Variants in FASN observed in about 807,000 individuals in gnomAD.
FASN encodes 3-hydroxyacyl-[acyl-carrier-protein] dehydratase.
Under a neutral mutation model 250.0 loss-of-function variants are expected in FASN, and 50 were observed. The observed-to-expected ratio is 0.20, with a 90% CI of 0.16 to 0.25. The LOEUF (loss-of-function observed/expected upper bound fraction) is 0.25. Among genes scored for constraint, FASN ranks in the 10% least tolerant of loss-of-function variants. The probability of loss-of-function intolerance (pLI) is 1.00; values close to 1 mark genes in which losing one functional copy is unlikely to be tolerated. For missense variants in FASN, 3,031 were observed against 3,498.5 expected, an observed-to-expected ratio of 0.87 and a Z score of 3.37; for synonymous variants, 1,909 against 1,584.0, an observed-to-expected ratio of 1.21 and a Z score of -4.87.
intron 31 of FASN, 24 bp downstream of exon 31, chr17:82,083,493 C>T (rs2034029416): frequency 6.2e-7 from 1 of 1,612,744 alleles, no homozygotes; most frequent in Non-Finnish European, 8.5e-7. Flanking sequence ...ATGCCCACCC[C>T]CGCCCAGGCG....
chr17:82,086,684 C>T, intron 21 of FASN, 126 bp from the exon 22 acceptor site: 2 of 785,958 alleles, frequency 2.5e-6, no homozygotes, highest in Non-Finnish European at 4.3e-6. Context: ...TGAGAAATAG[C>T]TGAGGGTTGA....
intron 7 of FASN, 33 bp from the exon 8 acceptor site, chr17:82,092,622 C>T: frequency 7.2e-7 from 1 of 1,381,012 alleles, no homozygotes; most frequent in Non-Finnish European, 9.6e-7. Context: ...GGGGCTCTGG[C>T]CAGGTCACCT....
In FASN at chr17:82,090,540, A is replaced by C. The variant is rs759227466; in HGVS notation, c.1705T>G (p.Cys569Gly). 6.2e-7 allele frequency: 1 copy of C among 1,611,856 alleles called. No homozygotes were observed. The highest frequency in any genetic ancestry group is 1.7e-5 in the Admixed American group (1 of 59,928). Residue 569 changes from cysteine (C) to glycine (G), a missense_variant, in exon 11 of 43, where the codon TGC becomes GGC. Physicochemically the swap from Cys to Gly is radical, Grantham distance 159. Transcript: ENST00000306749. ...IQIGLIDLLS[C>G]MGLRPDGIVG... ...ATGCCATCTGGCCTCAGCCCCATGC[A>C]GCTCAGCAGGTCTATGAGGCCTATC... is the stretch of plus-strand genomic sequence containing the variant.
Position 82,086,326 on chromosome 17 carries a change from G to T in FASN, c.3660C>A (p.Asp1220Glu). The T allele has an allele frequency of 6.2e-7, 1 of 1,604,568 alleles. No individual in the cohort carries two copies. Among genetic ancestry groups the T allele is most frequent in the Non-Finnish European group, 8.5e-7 (1 of 1,178,782 alleles). Residue 1220 changes from aspartate to glutamate, a missense_variant, in exon 22 of 43, where the codon GAC becomes GAA. By Grantham distance (45) the Asp-to-Glu change is conservative. Coordinates refer to ENST00000306749, the MANE Select transcript of FASN (RefSeq NM_004104.5). ...CCAGGCAGGCCTTGAGTGCCGGGGA[G>T]TCCAGGAGGCCGCTGAGCAGAGGGT... ...PEDPLLSGLL[D>E]SPALKACLDT...
Position 82,095,483 on chromosome 17 carries a change from G to A in FASN, c.128-11C>T, listed in dbSNP as rs1184703483. 3.1e-6 allele frequency: 5 copies of A among 1,611,226 alleles called. No individual in the cohort carries two copies. The highest frequency in any genetic ancestry group is 3.3e-5 in the Admixed American group (2 of 59,996). On this transcript the variant is annotated splice_polypyrimidine_tract_variant and intron_variant, in intron 2 of 42. Transcript: ENST00000306749. ...GCAGGCCGTAGAGCCCTGTGGGACA[G>A]GCGGGTGTTTAAATCTCTGACGGAA...
chr17:82,091,349 G>A lies in FASN; in HGVS notation c.1365C>T (p.Asn455=), dbSNP rs369073801. The A allele has an allele frequency of 5.6e-5, 90 of 1,610,678 alleles. No individual in the cohort carries two copies. The highest frequency in any genetic ancestry group is 6.9e-5 in the Non-Finnish European group (81 of 1,179,130). The stretch of plus-strand genomic sequence containing the variant: ...CGGTGGCGGGGACAGCCGCGATGTC[G>A]TTCAGCATGCTCAGGAAAGCCAGGT... The part of the protein sequence containing the change: ...SQDLAFLSML[N]DIAAVPATAM... The change falls in exon 9 of 43, where the codon AAC becomes AAT. Residue 455 remains asparagine, a synonymous_variant. Coordinates refer to ENST00000306749, the MANE Select transcript of FASN (RefSeq NM_004104.5).
intron 37 of FASN, 98 bp downstream of exon 37, chr17:82,081,503 T>C (rs1017335518): frequency 1.4e-5 from 23 of 1,592,998 alleles, no homozygotes; most frequent in Admixed American, 3.3e-5. Context: ...GCTCTGCAGA[T>C]GGGGAAACTG....
Position 82,093,315 on chromosome 17 carries a change from C to A in FASN, c.559G>T (p.Gly187Cys), listed in dbSNP as rs983679656. The A allele has an allele frequency of 1.9e-6, 3 of 1,599,686 alleles. No homozygotes were observed. The highest frequency in any genetic ancestry group is 1.7e-5 in the Admixed American group (1 of 57,806). ...TTGGGCTTCAGCAGGACATTGATGC[C>A]CCCCACGATGGCGGCAGGGCACTGC... ...SGQCPAAIVG[G>C]INVLLKPNTS... Residue 187 changes from glycine to cysteine, a missense_variant, in exon 5 of 43, where the codon GGC becomes TGC. Transcript: ENST00000306749.
In FASN at chr17:82,080,932, C is replaced by G. The variant is rs1555665762; in HGVS notation, c.6596-10G>C. 42 of 1,598,272 alleles carry G rather than the reference C, an allele frequency of 2.6e-5. No individual in the cohort carries two copies. The South Asian group carries it at 3.3e-4, about 12-fold the overall frequency. On this transcript the variant is annotated splice_polypyrimidine_tract_variant and intron_variant, in intron 38 of 42. Transcript: ENST00000306749. ...GTGGGGCATGCCAGCTCTGTGAAGA[C>G]AGGGGCAGATGCCAGGCTGGTCTGG...
At position 82,085,507 on chromosome 17, in the gene FASN, T is replaced by G. The variant is rs1484419637; in HGVS notation, c.4097A>C (p.Gln1366Pro). 2 of 1,594,754 alleles carry G rather than the reference T, an allele frequency of 1.3e-6. No individual in the cohort carries two copies. The highest frequency in any genetic ancestry group is 2.3e-5 in the East Asian group (1 of 43,942). ...CTGGCTCAGGATGCCCTGGCCATAC[T>G]GCGGCTCAGTGGAGGTGAGGAAGGC... is the stretch of plus-strand genomic sequence containing the variant. ...IVAFLTSTEPQYGQGILSQDA... is the reference protein window; with the variant it reads ...IVAFLTSTEPPYGQGILSQDA... The change falls in exon 23 of 43, where the codon CAG becomes CCG. Residue 1366 changes from glutamine to proline, a missense_variant. By Grantham distance (76) the Gln-to-Pro change is moderately conservative. Transcript: ENST00000306749.
Position 82,086,496 on chromosome 17 carries a change from G to C in FASN, c.3490C>G (p.Leu1164Val). The change falls in exon 22 of 43, where the codon CTG (leucine) becomes GTG (valine). Residue 1164 changes from leucine (L) to valine (V), a missense_variant. Leu to Val is a conservative substitution (Grantham distance 32). Coordinates refer to ENST00000306749, the MANE Select transcript of FASN (RefSeq NM_004104.5). ...TCCCGGGGGATCTGGGCCCCATCCA[G>C]TCCGGGCACCACCATCTTCAGCCCC... ...QQGLKMVVPG[L>V]DGAQIPRDPS... 1 of 1,612,510 alleles carries C rather than the reference G, an allele frequency of 6.2e-7. No homozygotes were observed. Among genetic ancestry groups the C allele is most frequent in the Non-Finnish European group, 8.5e-7 (1 of 1,179,970 alleles).
chr17:82,087,206 C>T lies in FASN; in HGVS notation c.3271G>A (p.Gly1091Ser). 6.2e-7 allele frequency: 1 copy of T among 1,605,744 alleles called. No homozygotes were observed. The highest frequency in any genetic ancestry group is 1.1e-5 in the South Asian group (1 of 90,244). Residue 1091 changes from glycine (G) to serine (S), a missense_variant, in exon 21 of 43, where the codon GGC becomes AGC. By Grantham distance (56) the Gly-to-Ser change is moderately conservative. Transcript: ENST00000306749. ...GTGTGGAGCCCGGAGATGTGGACGC[C>T]TCCGGCCACTGTGACCCTCAGCCAC... Reference protein sequence around the residue: ...SRWLRVTVAGGVHISGLHTES... With the variant: ...SRWLRVTVAGSVHISGLHTES...
chr17:82,083,809 G>A lies in FASN; in HGVS notation c.5181C>T (p.Ser1727=), dbSNP rs967158896. The A allele has an allele frequency of 5.0e-6, 8 of 1,609,580 alleles. No individual in the cohort carries two copies. Among genetic ancestry groups the A allele is most frequent in the Non-Finnish European group, 6.8e-6 (8 of 1,178,814 alleles). The change falls in exon 30 of 43, where the codon TCC becomes TCT. Residue 1727 remains serine (S), a synonymous_variant. Transcript: ENST00000306749. The part of the protein sequence containing the change: ...STSFANSRDT[S]FEQHVLWHTG... ...TGTGCCACAGCACATGCTGCTCGAAGGATGTGTCCCGGGAGTTGGCGAAGC... is the reference window on the plus strand; with the variant it reads ...TGTGCCACAGCACATGCTGCTCGAAAGATGTGTCCCGGGAGTTGGCGAAGC...
In FASN at chr17:82,089,384, C is replaced by T; in HGVS notation, c.1966G>A (p.Ala656Thr). The T allele has an allele frequency of 6.2e-7, 1 of 1,612,802 alleles. No homozygotes were observed. Among genetic ancestry groups the T allele is most frequent in the Non-Finnish European group, 8.5e-7 (1 of 1,179,996 alleles). ...TGCTCCACGAACTCAAACACCGGGG[C>T]CTGGACATCGTGGGAGCCTGGATAA... The part of the protein sequence containing the change: ...KDTVTISGPQ[A>T]PVFEFVEQLR... The change falls in exon 13 of 43, where the codon GCC becomes ACC. Residue 656 changes from alanine (A) to threonine (T), a missense_variant and splice_region_variant. Transcript: ENST00000306749.
At chr17:82,097,858 C>G (rs1307725499) in intron 1 of FASN, among the ~76,000 whole-genome samples, 1 of 152,098 alleles carries the variant, frequency 6.6e-6, no homozygotes, top group Non-Finnish European at 1.5e-5. Flanking sequence ...CCGCGGCCTC[C>G]CCCACGGGAA....
chr17:82,080,109 T>C (rs1276697465), intron 41 of FASN, 31 bp downstream of exon 41: 15 of 1,600,686 alleles, frequency 9.4e-6, no homozygotes, highest in Non-Finnish European at 1.3e-5. Flanking sequence ...GTACTCTGGG[T>C]CCTGCGGCCT....
intron 34 of FASN, 26 bp downstream of exon 34, chr17:82,082,501 G>A (rs1300899798): frequency 6.2e-7 from 1 of 1,609,684 alleles, no homozygotes; most frequent in Non-Finnish European, 8.5e-7. Context: ...GGGCTTTTGA[G>A]GGCCCCATTT....
intron 14 of FASN, 43 bp downstream of exon 14, chr17:82,088,926 C>T (rs769253927): frequency 1.9e-6 from 3 of 1,608,864 alleles, no homozygotes; most frequent in South Asian, 1.1e-5. Flanking sequence ...CTGAGGCGCC[C>T]ATCCCAGGCT....
intron 8 of FASN, among the ~76,000 whole-genome samples, chr17:82,092,001 G>A (rs2034218790): frequency 6.6e-6 from 1 of 152,244 alleles, no homozygotes; most frequent in African/African-American, 2.4e-5. Context: ...AGAGGCTGCA[G>A]AAGTTGGGGG....
Sources: allele counts gnomAD v4.1 joint callset (sites outside exome capture counted in the v4.1 genomes callset), GRCh38; gene constraint gnomAD v4.1.1; transcripts MANE v1.5; gene names NCBI Gene and HGNC (gene_info 2026-07-23, HGNC 2026-07-21).